HAPLN2: variants seen among roughly 807,000 people sequenced by gnomAD.
HAPLN2 encodes brain link protein-1.
Under a neutral mutation model 29.3 loss-of-function variants are expected in HAPLN2, and 27 were observed. The observed-to-expected ratio is 0.92, with a 90% CI of 0.68 to 1.27. HAPLN2 has a LOEUF of 1.27. Among genes scored for constraint, HAPLN2 ranks in the 50% most tolerant of loss-of-function variants. The pLI is 0.00. For synonymous variants in HAPLN2, 208 were observed against 211.7 expected (o/e 0.98, Z 0.15); for missense variants, 454 against 484.3 (o/e 0.94, Z 0.59).
chr1:156,624,212 G>A (rs747311207), intron 4 of HAPLN2, 52 bp downstream of exon 4: 1 of 1,552,494 alleles, frequency 6.4e-7, no homozygotes, highest in Non-Finnish European at 8.7e-7. Flanking sequence ...GGTCCGCCTC[G>A]CCTGGGTCTC....
At position 156,624,686 on chromosome 1, in the gene HAPLN2, G is replaced by A; in HGVS notation, c.642G>A (p.Pro214=). 1.2e-6 allele frequency: 2 copies of A among 1,601,938 alleles called. No individual in the cohort carries two copies. Among genetic ancestry groups the A allele is most frequent in the Non-Finnish European group, 8.5e-7 (1 of 1,176,140 alleles). The part of the protein sequence containing the change: ...VRYPVLTARA[P]CGGRGRPGIR... ...ACCCTGTGCTCACCGCACGCGCCCC[G>A]TGCGGCGGCCGAGGCCGGCCCGGGA... The change falls in exon 6 of 7, where the codon CCG becomes CCA. Residue 214 remains proline (P), a synonymous_variant. Transcript: ENST00000255039.
chr1:156,610,284 A>G, the HAPLN2 span, among the ~76,000 whole-genome samples: 1 of 152,232 alleles, frequency 6.6e-6, no homozygotes, highest in African/African-American at 2.4e-5. Flanking sequence ...ATGAAAAATG[A>G]GAGAATTTGA....
upstream of HAPLN2, among the ~76,000 whole-genome samples, chr1:156,617,261 C>T (rs1008065482): frequency 6.6e-6 from 1 of 151,636 alleles, no homozygotes; most frequent in Non-Finnish European, 1.5e-5. Flanking sequence ...CTGTATTGTG[C>T]GTGATTTGGG....
chr1:156,614,415 G>A (rs1678014907), upstream of HAPLN2, among the ~76,000 whole-genome samples: 3 of 152,100 alleles, frequency 2.0e-5, no homozygotes, highest in South Asian at 6.2e-4. Context: ...AGTAGAGATG[G>A]ATTTCACCAT....
chr1:156,622,546 TGTGC>T (rs1340306271), intron 2 of HAPLN2, among the ~76,000 whole-genome samples: 3 of 151,926 alleles, frequency 2.0e-5, no homozygotes, highest in Admixed American at 6.6e-5. Context: ...AGGTGAGGCC[TGTGC>T]GACCAATGCA....
chr1:156,601,694 C>G, the HAPLN2 span, among the ~76,000 whole-genome samples: 1 of 152,192 alleles, frequency 6.6e-6, no homozygotes, highest in East Asian at 1.9e-4. Flanking sequence ...TCAGTACTAA[C>G]TGGCCCTCTC....
At chr1:156,622,150 T>C (rs1237391481) in intron 2 of HAPLN2, among the ~76,000 whole-genome samples, 1 of 152,048 alleles carries the variant, frequency 6.6e-6, no homozygotes, top group Non-Finnish European at 1.5e-5. Context: ...AAAGTACTTG[T>C]AAGACAAAAA....
chr1:156,615,502 G>A (rs1006894550), upstream of HAPLN2, among the ~76,000 whole-genome samples: 1 of 151,728 alleles, frequency 6.6e-6, no homozygotes, highest in African/African-American at 2.4e-5. Context: ...GCTGCAGTGA[G>A]CAATGATCAC....
chr1:156,625,417 G>T lies in HAPLN2; in HGVS notation c.*33G>T. ...CCGTGTCCCCTCCAGCGCGCGCGAAGAAGCTTGGGAGTCGTGGCGGGGGTC... is the reference window on the plus strand; with the variant it reads ...CCGTGTCCCCTCCAGCGCGCGCGAATAAGCTTGGGAGTCGTGGCGGGGGTC... On this transcript the variant is annotated 3_prime_UTR_variant, in exon 7 of 7. Coordinates refer to ENST00000255039, the MANE Select transcript of HAPLN2 (RefSeq NM_021817.3). This position sits in a 1 kb window ranked among gnomAD's most constrained non-coding sequence, Gnocchi z 5.7. 3 of 1,545,796 alleles carry T rather than the reference G, an allele frequency of 1.9e-6. No individual in the cohort carries two copies. Among genetic ancestry groups the T allele is most frequent in the Non-Finnish European group, 1.7e-6 (2 of 1,145,588 alleles).
At position 156,625,373 on chromosome 1, in the gene HAPLN2, G is replaced by T. The variant is rs1315833967; in HGVS notation, c.1012G>T (p.Ala338Ser). 6.3e-7 allele frequency: 1 copy of T among 1,591,658 alleles called. No individual in the cohort carries two copies. The highest frequency in any genetic ancestry group is 1.7e-5 in the Admixed American group (1 of 57,308). Residue 338 changes from alanine to serine, a missense_variant, in exon 7 of 7, where the codon GCC becomes TCC. Transcript: ENST00000255039. This position sits in a 1 kb window ranked among gnomAD's most constrained non-coding sequence, Gnocchi z 5.7. Reference sequence around the variant, plus strand: ...GGCAGCCTATGGGACCTACTGCTACGCCGAGAATTAGGCGCCCACCGTGTC... The same window carrying T: ...GGCAGCCTATGGGACCTACTGCTACTCCGAGAATTAGGCGCCCACCGTGTC... ...QQAAYGTYCY[A>S]EN
chr1:156,621,768 A>T (rs1241522236), intron 2 of HAPLN2, among the ~76,000 whole-genome samples: 1 of 148,016 alleles, frequency 6.8e-6, no homozygotes, highest in Non-Finnish European at 1.5e-5. Flanking sequence ...ACAATAAAGG[A>T]GGAGCTGGGT....
chr1:156,614,997 A>T (rs1158051597), upstream of HAPLN2: 1 of 152,204 alleles, frequency 6.6e-6, no homozygotes, highest in Non-Finnish European at 1.5e-5. Flanking sequence ...CAGAAGAGGT[A>T]CTATTTTGTT....
At chr1:156,615,569 TCTC>T (rs541114588), upstream of HAPLN2, among the ~76,000 whole-genome samples, 421 of 140,292 alleles carry the variant, frequency 3.0e-3, 7 homozygotes, top group African/African-American at 9.3e-3. Context: ...TCTCTCTCTC[TCTC>T]TTTTTTTTTT....
chr1:156,623,405 C>A, intron 2 of HAPLN2, 62 bp from the exon 3 acceptor site: 1 of 1,407,232 alleles, frequency 7.1e-7, no homozygotes, highest in Non-Finnish European at 9.8e-7. Context: ...TCACCCACAA[C>A]CCTGCTCTTC....
At chr1:156,609,587 TG>T in the HAPLN2 span, among the ~76,000 whole-genome samples, 1 of 152,250 alleles carries the variant, frequency 6.6e-6, no homozygotes, top group African/African-American at 2.4e-5. Flanking sequence ...TTTATATTTT[TG>T]AGCCTTCTGG....
At chr1:156,617,008 T>A (rs1678072682), upstream of HAPLN2, among the ~76,000 whole-genome samples, 1 of 151,960 alleles carries the variant, frequency 6.6e-6, no homozygotes, top group Non-Finnish European at 1.5e-5. Flanking sequence ...AGGGATCGTT[T>A]GAACCTGGGA....
chr1:156,623,388 T>C, intron 2 of HAPLN2, 79 bp from the exon 3 acceptor site: 1 of 1,202,274 alleles, frequency 8.3e-7, no homozygotes, highest in Non-Finnish European at 1.2e-6. Context: ...GGATCTCTGA[T>C]GGGAGTTCAC....
rs1678426377 is a variant in HAPLN2 at position 156,625,608 on chromosome 1, G to A, written c.*224G>A. On this transcript the variant is annotated 3_prime_UTR_variant, in exon 7 of 7. Transcript: ENST00000255039. The surrounding 1 kb of genome is among the most constrained non-coding windows in gnomAD (Gnocchi z 5.7). ...CGGCGAGATGCAGAGGTGACCCTCG[G>A]ACCCGCTGCCGTTCGCGAACCCTAG... 2.1e-6 allele frequency: 1 copy of A among 480,074 alleles called. No individual in the cohort carries two copies. The highest frequency in any genetic ancestry group is 3.6e-6 in the Non-Finnish European group (1 of 278,294). The allele number at this position is 480,074 out of a possible 1,614,324, so 29.7% of individuals were successfully genotyped here.
At chr1:156,603,542 C>T in the HAPLN2 span, among the ~76,000 whole-genome samples, 1 of 150,874 alleles carries the variant, frequency 6.6e-6, no homozygotes, top group African/African-American at 2.4e-5. Flanking sequence ...TATACATATA[C>T]AGGTATATAT....
Sources: allele counts gnomAD v4.1 joint callset (sites outside exome capture counted in the v4.1 genomes callset), GRCh38; gene constraint gnomAD v4.1.1; non-coding constraint Gnocchi (gnomAD v3.1); transcripts MANE v1.5; gene names NCBI Gene and HGNC (gene_info 2026-07-23, HGNC 2026-07-21).